Variants in UBAP2 observed in about 807,000 individuals in gnomAD.
The protein encoded by UBAP2 is ubiquitin-associated protein 2.
A neutral mutation model predicts 139.6 loss-of-function variants in UBAP2; 75 were observed. That is an observed-to-expected ratio of 0.54 (90% CI 0.45 to 0.65). UBAP2 has a LOEUF of 0.65. Among genes scored for constraint, UBAP2 ranks in the 30% least tolerant of loss-of-function variants. The pLI is 0.00. For synonymous variants in UBAP2, 526 were observed against 526.2 expected (o/e 1.00, Z 0.01); for missense variants, 1,368 against 1,369.6 (o/e 1.00, Z 0.02).
In UBAP2 at chr9:33,955,571, G is replaced by A. The variant is rs570278194; in HGVS notation, c.866+508C>T. On this transcript the variant is annotated intron_variant, in intron 11 of 28. Coordinates refer to ENST00000379238, the MANE Select transcript of UBAP2 (RefSeq NM_001370062.2). ...GGGCCAGGTGTGGTGGCTCACATCTGTAATCCCAGCACTTTCGGAGGCTGA... is the reference window on the plus strand; with the variant it reads ...GGGCCAGGTGTGGTGGCTCACATCTATAATCCCAGCACTTTCGGAGGCTGA... Among the ~76,000 whole-genome samples the A allele has an allele frequency of 3.9e-5, 6 of 152,126 alleles. 1 individual carries two copies. The highest frequency in any genetic ancestry group is 1.4e-4 in the African/African-American group (6 of 41,498).
At chr9:33,964,954 G>A (rs1025660686) in intron 8 of UBAP2, among the ~76,000 whole-genome samples, 3 of 152,120 alleles carry the variant, frequency 2.0e-5, no homozygotes, top group Non-Finnish European at 2.9e-5. Flanking sequence ...ATTTTAATAG[G>A]TGAATGGGGG....
At chr9:33,954,733 A>G (rs1466793285) in intron 11 of UBAP2, among the ~76,000 whole-genome samples, 2 of 152,038 alleles carry the variant, frequency 1.3e-5, no homozygotes, top group Non-Finnish European at 2.9e-5. Flanking sequence ...TAAATACAAT[A>G]GAGAATATGT....
At chr9:33,988,810 G>C (rs1821426413) in intron 5 of UBAP2, among the ~76,000 whole-genome samples, 163 bp downstream of exon 5, 2 of 152,158 alleles carry the variant, frequency 1.3e-5, no homozygotes, top group Admixed American at 6.6e-5. Context: ...GCATACTATG[G>C]ACTAATCTTT....
At chr9:34,009,043 CT>C (rs1177070525) in intron 2 of UBAP2, among the ~76,000 whole-genome samples, 62 of 145,594 alleles carry the variant, frequency 4.3e-4, no homozygotes, top group Middle Eastern at 3.3e-3. Flanking sequence ...TTCTTTGCAA[CT>C]TTTTTACAAC....
At chr9:33,975,878 T>C (rs910817361) in intron 6 of UBAP2, among the ~76,000 whole-genome samples, 23 of 151,810 alleles carry the variant, frequency 1.5e-4, no homozygotes, top group African/African-American at 1.7e-4. Flanking sequence ...AATACAATGA[T>C]TGACCATATG....
At chr9:33,925,544 A>G (rs1460743689) in intron 22 of UBAP2, among the ~76,000 whole-genome samples, 1 of 152,224 alleles carries the variant, frequency 6.6e-6, no homozygotes, top group Non-Finnish European at 1.5e-5. Context: ...GAGCCCCTGA[A>G]GCAGAATGAA....
chr9:34,020,549 C>T (rs1441620093), intron 1 of UBAP2, among the ~76,000 whole-genome samples: 2 of 151,988 alleles, frequency 1.3e-5, no homozygotes, highest in Non-Finnish European at 2.9e-5. Flanking sequence ...TGGTCTCAAA[C>T]TCGTGGCCTC....
chr9:33,954,267 T>TACACACACACACACACACACACACAC (rs368965909), intron 11 of UBAP2, among the ~76,000 whole-genome samples: 1 of 101,680 alleles, frequency 9.8e-6, no homozygotes, highest in South Asian at 3.2e-4. Flanking sequence ...AGTGTGTGTA[T>TACACACACACACACACACACACACAC]ATACACACAC....
intron 1 of UBAP2, among the ~76,000 whole-genome samples, chr9:34,047,009 G>C (rs1172926817): frequency 6.6e-6 from 1 of 152,134 alleles, no homozygotes; most frequent in East Asian, 1.9e-4. Context: ...CATTTAAAGG[G>C]AGGACAGAGG....
intron 1 of UBAP2, among the ~76,000 whole-genome samples, chr9:34,043,204 G>T (rs1157362312): frequency 6.6e-6 from 1 of 152,050 alleles, no homozygotes; most frequent in African/African-American, 2.4e-5. Context: ...CTGAGACAGG[G>T]TCTGTCACCC....
At position 34,009,427 on chromosome 9, in the gene UBAP2, A is replaced by T. The variant is rs1380900886; in HGVS notation, c.99+7623T>A. ...AAGGTTTTTTTCTTATAAATTTTTT[A>T]AAAAATATTTTTTATGGAGACAGGG... On this transcript the variant is annotated intron_variant, in intron 2 of 28. Coordinates refer to ENST00000379238, the MANE Select transcript of UBAP2 (RefSeq NM_001370062.2). Among the ~76,000 whole-genome samples, 7 of 152,112 alleles carry T rather than the reference A, an allele frequency of 4.6e-5. No individual in the cohort carries two copies. The South Asian group carries it at 1.0e-3, about 23-fold the overall frequency.
rs780789852 is a variant in UBAP2, at chr9:33,922,519, T to A, written c.3345A>T (p.Pro1115=). ...QASKPAYGNS[P]YWTN ...TCTTCTGGGTTTAGTTTGTCCAGTATGGAGAGTTGCCGTAGGCAGGTTTGG... is the reference window on the plus strand; with the variant it reads ...TCTTCTGGGTTTAGTTTGTCCAGTAAGGAGAGTTGCCGTAGGCAGGTTTGG... The change falls in exon 29 of 29, where the codon CCA becomes CCT. Residue 1115 remains proline, a synonymous_variant. Transcript: ENST00000379238. The A allele has an allele frequency of 6.2e-7, 1 of 1,613,916 alleles. No individual in the cohort carries two copies. Among genetic ancestry groups the A allele is most frequent in the South Asian group, 1.1e-5 (1 of 91,052 alleles).
intron 22 of UBAP2, among the ~76,000 whole-genome samples, chr9:33,926,313 G>A (rs1823424476): frequency 6.6e-6 from 1 of 152,168 alleles, no homozygotes; most frequent in Admixed American, 6.5e-5. Context: ...TTAAAAAAGA[G>A]AGAGAAAACA....
At chr9:33,999,762 A>C (rs1822524802) in intron 2 of UBAP2, among the ~76,000 whole-genome samples, 1 of 151,974 alleles carries the variant, frequency 6.6e-6, no homozygotes, top group African/African-American at 2.4e-5. Context: ...CCCTAGCTGG[A>C]GTGCAGTGCC....
intron 6 of UBAP2, among the ~76,000 whole-genome samples, chr9:33,973,831 T>A (rs982668756): frequency 3.3e-5 from 5 of 152,172 alleles, no homozygotes; most frequent in African/African-American, 1.2e-4. Flanking sequence ...CAACACTGGA[T>A]TTAGCAATGA....
At chr9:33,965,963 T>C (rs941349833) in intron 8 of UBAP2, among the ~76,000 whole-genome samples, 16 of 151,536 alleles carry the variant, frequency 1.1e-4, no homozygotes, top group African/African-American at 3.9e-4. Flanking sequence ...GGCAGGAGAA[T>C]GGCGTGAACC....
intron 2 of UBAP2, among the ~76,000 whole-genome samples, chr9:34,016,370 C>CGGCGGCGGTGGTGGTGGT (rs1321174650): frequency 4.3e-5 from 4 of 93,732 alleles, no homozygotes; most frequent in African/African-American, 1.9e-4. Context: ...GCGGCAGCGG[C>CGGCGGCGGTGGTGGTGGT]GGTGGTGGTG....
At chr9:33,942,727 CAAAA>C (rs544848249) in intron 15 of UBAP2, among the ~76,000 whole-genome samples, 30 of 135,084 alleles carry the variant, frequency 2.2e-4, no homozygotes, top group South Asian at 9.1e-4. Flanking sequence ...GACCCTATCT[CAAAA>C]AAAAAAAAAA....
At position 33,927,096 on chromosome 9, in the gene UBAP2, A is replaced by G. The variant is rs1421615142; in HGVS notation, c.2372-16T>C. The G allele has an allele frequency of 6.3e-7, 1 of 1,592,266 alleles. No homozygotes were observed. Among genetic ancestry groups the G allele is most frequent in the Admixed American group, 1.7e-5 (1 of 57,978 alleles). On this transcript the variant is annotated splice_polypyrimidine_tract_variant and intron_variant, in intron 20 of 28. Coordinates refer to ENST00000379238, the MANE Select transcript of UBAP2 (RefSeq NM_001370062.2). Reference sequence around the variant, plus strand: ...GGTGCTTTGCCTGTATAGAGGGAAAAATCAAATGGAGTGAAATGGTCACCA... The same window carrying G: ...GGTGCTTTGCCTGTATAGAGGGAAAGATCAAATGGAGTGAAATGGTCACCA...
Sources: gnomAD v4.1 joint callset for allele counts (sites outside exome capture counted in the v4.1 genomes callset) on GRCh38, gnomAD v4.1.1 for gene constraint, MANE v1.5 for transcripts, NCBI Gene and HGNC (gene_info 2026-07-23, HGNC 2026-07-21) for gene names.